The following PDE4D variants were observed in gnomAD, a reference collection of about 807,000 sequenced individuals.
PDE4D encodes 3',5'-cyclic-AMP phosphodiesterase 4D.
In PDE4D, 24 loss-of-function variants were observed where a neutral mutation model predicts 87.4. The observed-to-expected ratio is 0.27, with a 90% confidence interval of 0.20 to 0.39. The LOEUF is 0.39. Among genes scored for constraint, PDE4D ranks in the 10% least tolerant of loss-of-function variants. PDE4D has a pLI of 1.00. For synonymous variants in PDE4D, 384 were observed against 383.2 expected (o/e 1.00, Z -0.02); for missense variants, 714 against 1,041.0 (o/e 0.69, Z 4.32).
chr5:59,200,268 T>C (rs1746832451), intron 2 of PDE4D, among the ~76,000 whole-genome samples: 2 of 132,014 alleles, frequency 1.5e-5, no homozygotes. Flanking sequence ...CATACATATG[T>C]GTATGTACAG....
chr5:59,518,805 T>C (rs1050238577), intron 1 of PDE4D, among the ~76,000 whole-genome samples: 2 of 151,822 alleles, frequency 1.3e-5, no homozygotes, highest in African/African-American at 2.4e-5. Flanking sequence ...TAGACTAGTT[T>C]TTTAAAAACT....
chr5:59,530,293 G>GT (rs935636585), intron 1 of PDE4D, among the ~76,000 whole-genome samples: 5 of 152,118 alleles, frequency 3.3e-5, no homozygotes, highest in African/African-American at 4.8e-5. Flanking sequence ...AAATCAGACA[G>GT]TTTTTTCCCC....
chr5:60,439,236 G>A (rs748447789), intron 1 of PDE4D, among the ~76,000 whole-genome samples: 12 of 152,016 alleles, frequency 7.9e-5, no homozygotes, highest in South Asian at 2.1e-4. Flanking sequence ...TTATAACTGC[G>A]GAAATACATG....
chr5:59,304,511 A>T (rs1366139544), intron 1 of PDE4D, among the ~76,000 whole-genome samples: 1 of 151,786 alleles, frequency 6.6e-6, no homozygotes, highest in Admixed American at 6.6e-5. Flanking sequence ...TTCCCCATTC[A>T]GTATTACGTT....
At chr5:59,689,826 C>G (rs542027784) in intron 1 of PDE4D, among the ~76,000 whole-genome samples, 1 of 152,060 alleles carries the variant, frequency 6.6e-6, no homozygotes, top group African/African-American at 2.4e-5. Flanking sequence ...AAAACCCCAT[C>G]GTCTCAGCCC....
At chr5:59,254,063 A>G (rs1344481900) in intron 1 of PDE4D, among the ~76,000 whole-genome samples, 1 of 152,116 alleles carries the variant, frequency 6.6e-6, no homozygotes, top group Non-Finnish European at 1.5e-5. Context: ...CCAAAATAAG[A>G]CAGCTGATTC....
chr5:60,225,161 G>A (rs555006633), intron 1 of PDE4D, among the ~76,000 whole-genome samples: 74 of 151,970 alleles, frequency 4.9e-4, no homozygotes, highest in Admixed American at 1.6e-3. Context: ...ACTTTTCAGG[G>A]ACCAACATCT....
At chr5:59,425,140 G>A (rs1297297490) in intron 1 of PDE4D, among the ~76,000 whole-genome samples, 11 of 152,100 alleles carry the variant, frequency 7.2e-5, no homozygotes, top group Non-Finnish European at 2.9e-5. Context: ...ATTACTGAAT[G>A]CTTTATATTA....
chr5:60,148,246 C>T (rs2149435689), intron 2 of PDE4D, among the ~76,000 whole-genome samples: 1 of 152,172 alleles, frequency 6.6e-6, no homozygotes, highest in South Asian at 2.1e-4. Flanking sequence ...ATATACTTCC[C>T]AAGAGAATGT....
intron 3 of PDE4D, chr5:59,986,764 A>G (rs1392119499): frequency 2.0e-5 from 3 of 152,170 alleles, no homozygotes; most frequent in Non-Finnish European, 4.4e-5. Flanking sequence ...AATGTGGTTT[A>G]TGCTGCATAT....
chr5:60,359,836 AC>A (rs1759911369), intron 1 of PDE4D, among the ~76,000 whole-genome samples: 1 of 151,742 alleles, frequency 6.6e-6, no homozygotes, highest in South Asian at 2.1e-4. Context: ...TTATCCATCT[AC>A]CCCCACAAAA....
chr5:60,027,562 C>G (rs750889809), intron 2 of PDE4D, among the ~76,000 whole-genome samples: 10 of 152,170 alleles, frequency 6.6e-5, no homozygotes, highest in Non-Finnish European at 1.2e-4. Context: ...CATCATAGTA[C>G]TTGTTTTCTG....
At chr5:60,047,494 T>C (rs1156307181) in intron 2 of PDE4D, among the ~76,000 whole-genome samples, 1 of 152,226 alleles carries the variant, frequency 6.6e-6, no homozygotes, top group African/African-American at 2.4e-5. Flanking sequence ...TGCTTTCTCT[T>C]GTGGGCATTT....
chr5:59,102,694 C>G (rs1770965386), intron 5 of PDE4D, among the ~76,000 whole-genome samples: 1 of 152,152 alleles, frequency 6.6e-6, no homozygotes, highest in Non-Finnish European at 1.5e-5. Flanking sequence ...AGCAGTTCAT[C>G]AGCATCAGCA....
chr5:59,262,193 C>T (rs915066982), intron 1 of PDE4D, among the ~76,000 whole-genome samples: 1 of 151,866 alleles, frequency 6.6e-6, no homozygotes, highest in African/African-American at 2.4e-5. Flanking sequence ...GTATATTTCA[C>T]CATTGTCTCT....
At chr5:59,064,083 C>T (rs1409410758) in intron 5 of PDE4D, among the ~76,000 whole-genome samples, 2 of 151,016 alleles carry the variant, frequency 1.3e-5, no homozygotes, top group African/African-American at 4.9e-5. Flanking sequence ...AAAAAATATA[C>T]TTTTTTCTAG....
At chr5:60,336,017 A>C (rs1362185261) in intron 1 of PDE4D, among the ~76,000 whole-genome samples, 1 of 152,202 alleles carries the variant, frequency 6.6e-6, no homozygotes, top group Non-Finnish European at 1.5e-5. Context: ...GGTTGGAGAC[A>C]GCCTCACAGG....
chr5:59,038,794 C>T, intron 6 of PDE4D, 65 bp downstream of exon 6: 5 of 1,371,152 alleles, frequency 3.6e-6, no homozygotes, highest in Non-Finnish European at 4.8e-6. Context: ...CTATGGGTAC[C>T]AGTGGCTCGC....
intron 5 of PDE4D, among the ~76,000 whole-genome samples, chr5:59,110,391 C>A (rs1772403758): frequency 6.6e-6 from 1 of 152,146 alleles, no homozygotes; most frequent in African/African-American, 2.4e-5. Flanking sequence ...CCTAGTAACT[C>A]CTAACCTCCA....
Sources: allele counts gnomAD v4.1 joint callset (sites outside exome capture counted in the v4.1 genomes callset), GRCh38; gene constraint gnomAD v4.1.1; transcripts MANE v1.5; gene names NCBI Gene and HGNC (gene_info 2026-07-23, HGNC 2026-07-21).